GFI1: variants seen among roughly 807,000 people sequenced by gnomAD.
GFI1 encodes growth factor independent 1 transcriptional repressor, also known as zinc finger protein Gfi-1.
In GFI1, 15 loss-of-function variants were observed where a neutral mutation model predicts 39.2. That is an observed-to-expected ratio of 0.38 (90% CI 0.26 to 0.59). The LOEUF is 0.59. Among genes scored for constraint, GFI1 ranks in the 20% least tolerant of loss-of-function variants. The probability of loss-of-function intolerance (pLI) is 0.62; values close to 1 mark genes in which losing one functional copy is unlikely to be tolerated. For synonymous variants in GFI1, 239 were observed against 254.3 expected, an observed-to-expected ratio of 0.94 and a Z score of 0.57; for missense variants, 475 against 574.0, an observed-to-expected ratio of 0.83 and a Z score of 1.76.
Position 92,474,215 on chromosome 1 carries a change from T to A in GFI1, c.*1814A>T, listed in dbSNP as rs1259147276. 2.0e-5 allele frequency among the ~76,000 whole-genome samples: 3 copies of A among 152,344 alleles called. 1 individual carries two copies. The highest frequency in any genetic ancestry group is 4.8e-5 in the African/African-American group (2 of 41,574). ...TGCATTAGGGGAGGCAGCTAACCAA[T>A]CTCACACTTTTTTTCCTTTCCAGTC... On this transcript the variant is annotated 3_prime_UTR_variant, in exon 7 of 7. Transcript: ENST00000294702.
At chr1:92,476,588 A>C (rs1252474935) in intron 6 of GFI1, among the ~76,000 whole-genome samples, 1 of 152,228 alleles carries the variant, frequency 6.6e-6, no homozygotes, top group Non-Finnish European at 1.5e-5. Context: ...GGGAGGGGGA[A>C]GCTGTCCTAA....
In GFI1 at chr1:92,480,522, G is replaced by A. The variant is rs1304579922; in HGVS notation, c.787-37C>T. On this transcript the variant is annotated intron_variant, in intron 4 of 6. Transcript: ENST00000294702. This position sits in a 1 kb window ranked among gnomAD's most constrained non-coding sequence, Gnocchi z 5.6. ...GGGGCCAGAGAGAAGGCCGCTGAGA[G>A]GGGCCGCGGGGCGCAGGCGAGGCGC... 1.3e-6 allele frequency: 2 copies of A among 1,547,538 alleles called. No homozygotes were observed. Among genetic ancestry groups the A allele is most frequent in the Non-Finnish European group, 8.7e-7 (1 of 1,145,818 alleles).
chr1:92,479,875 AAAAG>A (rs1183466040), intron 5 of GFI1, among the ~76,000 whole-genome samples: 2 of 152,116 alleles, frequency 1.3e-5, no homozygotes, highest in Non-Finnish European at 2.9e-5. Flanking sequence ...AAAAGAAAAG[AAAAG>A]AAAGGAAGGA....
chr1:92,478,791 GAGAT>G, intron 5 of GFI1, 38 bp from the exon 6 acceptor site: 2 of 1,457,254 alleles, frequency 1.4e-6, no homozygotes, highest in African/African-American at 1.4e-5. Context: ...GAGAGAGAGA[GAGAT>G]GCAGAACTCC....
rs778360274 is a variant in GFI1, at chr1:92,481,014, T to C, written c.373A>G (p.Ser125Gly). 1 of 1,611,526 alleles carries C rather than the reference T, an allele frequency of 6.2e-7. No individual in the cohort carries two copies. The highest frequency in any genetic ancestry group is 1.1e-5 in the South Asian group (1 of 90,880). Reference sequence around the variant, plus strand: ...CGCAGGTCAGAACCCGCCAGGCCGCTCCATGAGTACGGTTTGAAAGGCAGG... The same window carrying C: ...CGCAGGTCAGAACCCGCCAGGCCGCCCCATGAGTACGGTTTGAAAGGCAGG... ...FPLPFKPYSWSGLAGSDLRHL... is the reference protein window; with the variant it reads ...FPLPFKPYSWGGLAGSDLRHL... The change falls in exon 4 of 7, where the codon AGC becomes GGC. Residue 125 changes from serine (S) to glycine (G), a missense_variant. By Grantham distance (56) the Ser-to-Gly change is moderately conservative. Around this residue, in one of 4 missense-constraint regions of GFI1, gnomAD observed 275 missense variants for 275.8 expected, o/e 1.00. Coordinates refer to ENST00000294702, the MANE Select transcript of GFI1 (RefSeq NM_005263.5). This position sits in a 1 kb window ranked among gnomAD's most constrained non-coding sequence, Gnocchi z 4.3.
rs1658321007 is a variant in GFI1 at position 92,482,730 on chromosome 1, G to A, written c.298+134C>T. The A allele has an allele frequency of 6.7e-6, 5 of 747,812 alleles. 1 individual carries two copies. The South Asian group carries it at 7.5e-5, about 11-fold the overall frequency. The allele number at this position is 747,812 out of a possible 1,614,324, so 46.3% of individuals were successfully genotyped here. A position where few individuals can be genotyped will look rare whatever the true frequency, so the allele number is the denominator to read the frequency against. ...GAAGCCGGATGCCTCCTTCCCCTAC[G>A]AATCAGCTCCCTTCTCCCGGAAAGA... On this transcript the variant is annotated intron_variant, in intron 3 of 6. Transcript: ENST00000294702. This position sits in a 1 kb window ranked among gnomAD's most constrained non-coding sequence, Gnocchi z 4.4.
intron 1 of GFI1, among the ~76,000 whole-genome samples, chr1:92,486,387 A>G (rs1237599452): frequency 6.6e-6 from 1 of 152,168 alleles, no homozygotes; most frequent in East Asian, 1.9e-4. Context: ...TTGAAAGAAA[A>G]TGAACTATTC....
rs150988296 is a variant in GFI1, at chr1:92,479,411, C to T, written c.925-658G>A. On this transcript the variant is annotated intron_variant, in intron 5 of 6. Coordinates refer to ENST00000294702, the MANE Select transcript of GFI1 (RefSeq NM_005263.5). ...GGCATTCTCCTGAGATAGCTATTGG[C>T]ATATTTACTTGCTCATCTACTCTCC... Among the ~76,000 whole-genome samples the T allele has an allele frequency of 2.7e-3, 410 of 152,312 alleles. 6 individuals are homozygous for T. The highest frequency in any genetic ancestry group is 9.6e-3 in the African/African-American group (398 of 41,566).
At chr1:92,483,285 AG>A in intron 2 of GFI1, 87 bp downstream of exon 2, 1 of 806,108 alleles carries the variant, frequency 1.2e-6, no homozygotes, top group South Asian at 1.4e-5. Flanking sequence ...ACGTTGGGGC[AG>A]CCCCTCCCAG....
chr1:92,481,113 C>A lies in GFI1; in HGVS notation c.299-25G>T. On this transcript the variant is annotated intron_variant, in intron 3 of 6. Coordinates refer to ENST00000294702, the MANE Select transcript of GFI1 (RefSeq NM_005263.5). This position sits in a 1 kb window ranked among gnomAD's most constrained non-coding sequence, Gnocchi z 4.3. ...GCTGTGGAGGCACAAGGGGAGCGTC[C>A]GGTCAGGCTTCAGACGGCAGAGCGG... 1 of 1,596,636 alleles carries A rather than the reference C, an allele frequency of 6.3e-7. No individual in the cohort carries two copies.
Position 92,482,297 on chromosome 1 carries a change from T to A in GFI1, c.298+567A>T, listed in dbSNP as rs973125960. 6.6e-6 allele frequency among the ~76,000 whole-genome samples: 1 copy of A among 152,082 alleles called. No homozygotes were observed. Among genetic ancestry groups the A allele is most frequent in the Admixed American group, 6.5e-5 (1 of 15,274 alleles). ...GTCACTTAGTTTGCCTGAAGCTGGATTGCTCGCTGGAAATGAAACCCAGAG... is the reference window on the plus strand; with the variant it reads ...GTCACTTAGTTTGCCTGAAGCTGGAATGCTCGCTGGAAATGAAACCCAGAG... On this transcript the variant is annotated intron_variant, in intron 3 of 6. Transcript: ENST00000294702. The surrounding 1 kb of genome is among the most constrained non-coding windows in gnomAD (Gnocchi z 4.4).
chr1:92,479,937 G>A (rs984876382), intron 5 of GFI1, among the ~76,000 whole-genome samples: 2 of 152,160 alleles, frequency 1.3e-5, no homozygotes, highest in Non-Finnish European at 2.9e-5. Flanking sequence ...TGCTCTAAAT[G>A]AGCTGAGATT....
chr1:92,476,526 C>T (rs1292746642), intron 6 of GFI1, among the ~76,000 whole-genome samples: 1 of 152,162 alleles, frequency 6.6e-6, no homozygotes, highest in Non-Finnish European at 1.5e-5. Flanking sequence ...CCCGGGAGGA[C>T]TCCCCTGACT....
chr1:92,480,539 G>A lies in GFI1; in HGVS notation c.787-54C>T. 6.5e-7 allele frequency: 1 copy of A among 1,545,948 alleles called. No homozygotes were observed. Among genetic ancestry groups the A allele is most frequent in the Non-Finnish European group, 8.7e-7 (1 of 1,145,804 alleles). Reference sequence around the variant, plus strand: ...CGCTGAGAGGGGCCGCGGGGCGCAGGCGAGGCGCGGGTAGGGGAAGCGGGC... The same window carrying A: ...CGCTGAGAGGGGCCGCGGGGCGCAGACGAGGCGCGGGTAGGGGAAGCGGGC... On this transcript the variant is annotated intron_variant, in intron 4 of 6. Coordinates refer to ENST00000294702, the MANE Select transcript of GFI1 (RefSeq NM_005263.5). This position sits in a 1 kb window ranked among gnomAD's most constrained non-coding sequence, Gnocchi z 5.6.
At chr1:92,483,616 G>A in intron 1 of GFI1, 30 bp from the exon 2 acceptor site, 1 of 707,384 alleles carries the variant, frequency 1.4e-6, no homozygotes, top group Non-Finnish European at 2.6e-6. Flanking sequence ...AGGTGGAGAC[G>A]TGGGTCAGTA....
rs540625712 is a variant in GFI1 at position 92,480,828 on chromosome 1, C to A, written c.559G>T (p.Ala187Ser). ...GGGCCAGCGGTGGCACCGGCCCCTG[C>A]GCTGCAGCTCCCTGGCGCCCCGGCC... ...AGAGAPGSCS[A>S]GAGATAGPGL... The change falls in exon 4 of 7, where the codon GCA becomes TCA. Residue 187 changes from alanine to serine, a missense_variant. By Grantham distance (99) the Ala-to-Ser change is moderately conservative (BLOSUM62 1). Coordinates refer to ENST00000294702, the MANE Select transcript of GFI1 (RefSeq NM_005263.5). This position sits in a 1 kb window ranked among gnomAD's most constrained non-coding sequence, Gnocchi z 5.6. 3.0e-5 allele frequency: 47 copies of A among 1,541,908 alleles called. No individual in the cohort carries two copies. Among genetic ancestry groups the A allele is most frequent in the Middle Eastern group, 2.1e-4 (1 of 4,740 alleles).
chr1:92,481,129 G>T lies in GFI1; in HGVS notation c.299-41C>A, dbSNP rs200461550. On this transcript the variant is annotated intron_variant, in intron 3 of 6. Transcript: ENST00000294702. The surrounding 1 kb of genome is among the most constrained non-coding windows in gnomAD (Gnocchi z 4.3). ...GGGAGCGTCCGGTCAGGCTTCAGAC[G>T]GCAGAGCGGAGGCCGCCGGGCTGCG... The T allele has an allele frequency of 1.6e-4, 247 of 1,566,050 alleles. 1 individual carries two copies. The African/African-American group carries it at 3.2e-3, about 20-fold the overall frequency.
rs1230951261 is a variant in GFI1, at chr1:92,484,419, G to A, written c.-99-833C>T. ...CCTAACCTCGGGAATCAGGTCCCGG[G>A]AAAAAAGCACTTTCCGTTCTGCTCA... On this transcript the variant is annotated intron_variant, in intron 1 of 6. Transcript: ENST00000294702. This position sits in a 1 kb window ranked among gnomAD's most constrained non-coding sequence, Gnocchi z 4.1. 6.6e-6 allele frequency: 1 copy of A among 152,200 alleles called. No individual in the cohort carries two copies. Among genetic ancestry groups the A allele is most frequent in the African/African-American group, 2.4e-5 (1 of 41,434 alleles). The allele number at this position is 152,200 out of a possible 1,614,324, so 9.4% of individuals were successfully genotyped here. A position where few individuals can be genotyped will look rare whatever the true frequency, so the allele number is the denominator to read the frequency against.
intron 5 of GFI1, among the ~76,000 whole-genome samples, chr1:92,479,017 C>T (rs1658100008): frequency 6.6e-6 from 1 of 152,166 alleles, no homozygotes; most frequent in Non-Finnish European, 1.5e-5. Flanking sequence ...AGGCACACGC[C>T]ATCACACCTG....
Sources: allele counts gnomAD v4.1 joint callset (sites outside exome capture counted in the v4.1 genomes callset), GRCh38; gene constraint gnomAD v4.1.1; regional missense constraint gnomAD v4.1.1; non-coding constraint Gnocchi (gnomAD v3.1); transcripts MANE v1.5; gene names NCBI Gene and HGNC (gene_info 2026-07-23, HGNC 2026-07-21).